PIAS1: variants seen among roughly 807,000 people sequenced by gnomAD.
PIAS1 encodes the protein protein inhibitor of activated STAT 1.
A neutral mutation model predicts 71.3 loss-of-function variants in PIAS1; 6 were observed. That is an observed-to-expected ratio of 0.08 (90% CI 0.05 to 0.17). The LOEUF (loss-of-function observed/expected upper bound fraction) is 0.17. PIAS1 is among the 10% of genes least tolerant of loss of function. The pLI, the probability that PIAS1 is intolerant of heterozygous loss-of-function variation, is 1.00. For synonymous variants in PIAS1, 303 were observed against 292.9 expected (o/e 1.03, Z -0.35); for missense variants, 555 against 793.6 (o/e 0.70, Z 3.61).
chr15:68,123,451 A>G (rs1404208072), intron 2 of PIAS1, among the ~76,000 whole-genome samples: 1 of 152,190 alleles, frequency 6.6e-6, no homozygotes, highest in African/African-American at 2.4e-5. Flanking sequence ...TTAAAATTGC[A>G]ACTACTACTT....
chr15:68,189,352 C>T lies in PIAS1; in HGVS notation c.*1517C>T, dbSNP rs1009693397. 1 of 152,304 alleles carries T rather than the reference C, an allele frequency of 6.6e-6. No homozygotes were observed. 9.4% of individuals were successfully genotyped at this position (152,304 alleles called of 1,614,324 possible). The stretch of plus-strand genomic sequence containing the variant: ...ACAGAAGAGATAAGGGGCATAATGA[C>T]TGCTGGTTTTCCAGACTGGATTTTC... On this transcript the variant is annotated 3_prime_UTR_variant, in exon 14 of 14. Transcript: ENST00000249636.
At chr15:68,116,730 C>G (rs1279701228) in intron 2 of PIAS1, among the ~76,000 whole-genome samples, 1 of 151,876 alleles carries the variant, frequency 6.6e-6, no homozygotes, top group Non-Finnish European at 1.5e-5. Flanking sequence ...AAATTTCTCT[C>G]TAAATACTGC....
At position 68,104,369 on chromosome 15, in the gene PIAS1, T is replaced by C. The variant is rs147464176; in HGVS notation, c.469+17619T>C. Among the ~76,000 whole-genome samples the C allele has an allele frequency of 3.5e-3, 538 of 152,320 alleles. 10 individuals carry two copies. The highest frequency in any genetic ancestry group is 0.025 in the Admixed American group (390 of 15,298). ...CTAATGGTTTGGGAGTTCTGCCTTC[T>C]ATTTCTGTAGGTAGTTACTATTGAA... On this transcript the variant is annotated intron_variant, in intron 2 of 13. Coordinates refer to ENST00000249636, the MANE Select transcript of PIAS1 (RefSeq NM_016166.3).
At chr15:68,107,631 T>C (rs2092483199) in intron 2 of PIAS1, among the ~76,000 whole-genome samples, 1 of 152,156 alleles carries the variant, frequency 6.6e-6, no homozygotes, top group East Asian at 1.9e-4. Flanking sequence ...GAAAAAGAAA[T>C]GATTGTTTAG....
chr15:68,062,661 T>C (rs1297509395), intron 1 of PIAS1, among the ~76,000 whole-genome samples: 1 of 152,260 alleles, frequency 6.6e-6, no homozygotes, highest in Non-Finnish European at 1.5e-5. Flanking sequence ...TATTCATTTT[T>C]TTCTCTGCAT....
chr15:68,086,809 C>A lies in PIAS1; in HGVS notation c.469+59C>A. The A allele has an allele frequency of 9.6e-7, 1 of 1,042,722 alleles. No individual in the cohort carries two copies. Among genetic ancestry groups the A allele is most frequent in the Non-Finnish European group, 1.4e-6 (1 of 700,456 alleles). The allele number at this position is 1,042,722 out of a possible 1,614,324, so 64.6% of individuals were successfully genotyped here. Reference sequence around the variant, plus strand: ...TTGCAGGATGAATTTTCGTTTTAGGCTTTTACTTTGACCCAGTTTATTATT... The same window carrying A: ...TTGCAGGATGAATTTTCGTTTTAGGATTTTACTTTGACCCAGTTTATTATT... On this transcript the variant is annotated intron_variant, in intron 2 of 13. Coordinates refer to ENST00000249636, the MANE Select transcript of PIAS1 (RefSeq NM_016166.3). The surrounding 1 kb of genome is among the most constrained non-coding windows in gnomAD (Gnocchi z 7.2).
Position 68,193,586 on chromosome 15 carries a change from G to C in PIAS1, c.*5751G>C, listed in dbSNP as rs2093130210. On this transcript the variant is annotated 3_prime_UTR_variant, in exon 14 of 14. Transcript: ENST00000249636. Reference sequence around the variant, plus strand: ...GTTCTAGCCCCCAAATACAGAATAAGTCTCTTGGTAGATTGCCCTTAAGTC... The same window carrying C: ...GTTCTAGCCCCCAAATACAGAATAACTCTCTTGGTAGATTGCCCTTAAGTC... 1 of 160,030 alleles carries C rather than the reference G, an allele frequency of 6.2e-6. No individual in the cohort carries two copies. The highest frequency in any genetic ancestry group is 1.8e-4 in the South Asian group (1 of 5,434). The allele number at this position is 160,030 out of a possible 1,614,324, so 9.9% of individuals were successfully genotyped here. A position where few individuals can be genotyped will look rare whatever the true frequency, so the allele number is the denominator to read the frequency against.
intron 2 of PIAS1, among the ~76,000 whole-genome samples, chr15:68,122,365 A>G (rs1370578028): frequency 1.3e-5 from 2 of 152,188 alleles, no homozygotes; most frequent in Non-Finnish European, 2.9e-5. Context: ...AATTGAAACT[A>G]TAGTTCTCAA....
intron 1 of PIAS1, among the ~76,000 whole-genome samples, chr15:68,059,126 T>A (rs1388498150): frequency 6.6e-6 from 1 of 151,326 alleles, no homozygotes; most frequent in East Asian, 2.0e-4. Context: ...TGCCTCAGCC[T>A]TCGGTGTAGC....
intron 7 of PIAS1, among the ~76,000 whole-genome samples, chr15:68,156,459 A>C (rs1302745363): frequency 6.6e-6 from 1 of 151,832 alleles, no homozygotes; most frequent in East Asian, 1.9e-4. Context: ...ATCCCAGCAC[A>C]TTGGAAGGCC....
intron 4 of PIAS1, among the ~76,000 whole-genome samples, chr15:68,144,569 T>G (rs1359539683): frequency 6.6e-6 from 1 of 152,146 alleles, no homozygotes; most frequent in Non-Finnish European, 1.5e-5. Flanking sequence ...ATGTTTTAAA[T>G]TGATCACTGC....
At position 68,176,505 on chromosome 15, in the gene PIAS1, A is replaced by G. The variant is rs1205976518; in HGVS notation, c.1332A>G (p.Val444=). 2 of 1,609,788 alleles carry G rather than the reference A, an allele frequency of 1.2e-6. No individual in the cohort carries two copies. The highest frequency in any genetic ancestry group is 1.1e-5 in the South Asian group (1 of 90,462). The stretch of plus-strand genomic sequence containing the variant: ...TGAGCTCCACATTGGAGCATCAGGT[A>G]GCGTCTCACCACCAGTCCTCAAATA... ...GCLSSTLEHQ[V]ASHHQSSNKN... is the part of the protein sequence containing the mutation. Residue 444 remains valine, a synonymous_variant, in exon 11 of 14, where the codon GTA becomes GTG. Coordinates refer to ENST00000249636, the MANE Select transcript of PIAS1 (RefSeq NM_016166.3).
At chr15:68,095,104 A>C (rs1417671927) in intron 2 of PIAS1, among the ~76,000 whole-genome samples, 1 of 152,210 alleles carries the variant, frequency 6.6e-6, no homozygotes, top group Non-Finnish European at 1.5e-5. Flanking sequence ...ACTCTATACA[A>C]TTATAATTAT....
rs2093032359 is a variant in PIAS1 at position 68,178,261 on chromosome 15, C to A, written c.1481+1607C>A. 6.6e-6 allele frequency among the ~76,000 whole-genome samples: 1 copy of A among 151,932 alleles called. No individual in the cohort carries two copies. The highest frequency in any genetic ancestry group is 1.9e-4 in the East Asian group (1 of 5,180). On this transcript the variant is annotated intron_variant, in intron 11 of 13. Transcript: ENST00000249636. This position sits in a 1 kb window ranked among gnomAD's most constrained non-coding sequence, Gnocchi z 4.2. ...CTCCAACCTGGGTGACAGAATGAGA[C>A]CCCATCTCAAAAAAAAATAAGATTT...
intron 2 of PIAS1, among the ~76,000 whole-genome samples, chr15:68,095,564 T>C: frequency 6.8e-6 from 1 of 147,670 alleles, no homozygotes; most frequent in East Asian, 2.0e-4. Flanking sequence ...GGAGTCTCGC[T>C]CTGTCACCCA....
At chr15:68,059,434 G>C (rs1376813747) in intron 1 of PIAS1, among the ~76,000 whole-genome samples, 1 of 151,790 alleles carries the variant, frequency 6.6e-6, no homozygotes, top group Non-Finnish European at 1.5e-5. Flanking sequence ...ATGCAGGACC[G>C]GATGCCATGG....
chr15:68,169,594 G>A (rs1567074240), intron 8 of PIAS1, among the ~76,000 whole-genome samples: 2 of 152,098 alleles, frequency 1.3e-5, no homozygotes, highest in Non-Finnish European at 2.9e-5. Flanking sequence ...AATTGCTTGT[G>A]AGACTGTTTC....
At position 68,178,886 on chromosome 15, in the gene PIAS1, GAAAAT is replaced by G. The variant is rs906355392; in HGVS notation, c.1481+2241_1481+2245del. Among the ~76,000 whole-genome samples, 14 of 152,144 alleles carry G rather than the reference GAAAAT, an allele frequency of 9.2e-5. No individual in the cohort carries two copies. The highest frequency in any genetic ancestry group is 1.9e-4 in the East Asian group (1 of 5,186). On this transcript the variant is annotated intron_variant, in intron 11 of 13. Transcript: ENST00000249636. This position sits in a 1 kb window ranked among gnomAD's most constrained non-coding sequence, Gnocchi z 4.2. ...TGCTCTTTCTCCAAAAATATTTGGA[GAAAAT>G]AAAATAAATAATGTTTATTATGTTT...
intron 8 of PIAS1, among the ~76,000 whole-genome samples, chr15:68,172,370 A>G (rs1325196256): frequency 6.6e-6 from 1 of 152,230 alleles, no homozygotes; most frequent in Non-Finnish European, 1.5e-5. Context: ...GCTGCAATAA[A>G]CATACGTGTC....
Sources: allele counts gnomAD v4.1 joint callset (sites outside exome capture counted in the v4.1 genomes callset), GRCh38; gene constraint gnomAD v4.1.1; non-coding constraint Gnocchi (gnomAD v3.1); transcripts MANE v1.5; gene names NCBI Gene and HGNC (gene_info 2026-07-23, HGNC 2026-07-21).